The following ARHGAP36 variants were observed in gnomAD, a reference collection of about 807,000 sequenced individuals.
ARHGAP36 encodes the protein rho GTPase-activating protein 36.
Under a neutral mutation model 32.9 loss-of-function variants are expected in ARHGAP36, and 7 were observed. That is an observed-to-expected ratio of 0.21 (90% CI 0.12 to 0.40). The LOEUF (loss-of-function observed/expected upper bound fraction) is 0.40. ARHGAP36 is among the 10% of genes least tolerant of loss of function. The pLI, the probability that ARHGAP36 is intolerant of heterozygous loss-of-function variation, is 1.00. For synonymous variants in ARHGAP36, 165 were observed against 168.3 expected (o/e 0.98, Z 0.15); for missense variants, 383 against 442.2 (o/e 0.87, Z 1.20).
chrX:131,077,717 C>G (rs2079770227), intron 1 of ARHGAP36, among the ~76,000 whole-genome samples: 2 of 105,188 alleles, frequency 1.9e-5, no homozygotes, highest in Admixed American at 2.0e-4. Flanking sequence ...AATTCTCTCT[C>G]TTGATATCTG....
At chrX:131,081,249 A>G (rs768375489) in intron 1 of ARHGAP36, among the ~76,000 whole-genome samples, 1 of 109,272 alleles carries the variant, frequency 9.2e-6, no homozygotes, top group South Asian at 4.0e-4. Context: ...CCTAGATGAA[A>G]GTCCCCTTTT....
At chrX:131,065,914 T>C (rs984748823) in intron 1 of ARHGAP36, among the ~76,000 whole-genome samples, 2 of 112,007 alleles carry the variant, frequency 1.8e-5, no homozygotes, top group East Asian at 2.8e-4. Flanking sequence ...CACTGTTGAA[T>C]TGTCCCTCTC....
At chrX:131,087,452 T>C (rs2079841282) in intron 11 of ARHGAP36, among the ~76,000 whole-genome samples, 1 of 111,138 alleles carries the variant, frequency 9.0e-6, no homozygotes, top group Non-Finnish European at 1.9e-5. Flanking sequence ...GGACATGAAA[T>C]CCCAAATCAT....
At position 131,081,620 on chromosome X, in the gene ARHGAP36, C is replaced by T. The variant is rs1398981712; in HGVS notation, c.-46C>T. 5 of 1,163,808 alleles carry T rather than the reference C, an allele frequency of 4.3e-6. No individual in the cohort carries two copies. The Admixed American group carries it at 9.2e-5, about 21-fold the overall frequency. ...CCCCCATAGTTCTCTCCACCAGGTC[C>T]AGTGACAATTGGATGATGCAGCCTT... On this transcript the variant is annotated 5_prime_UTR_variant, in exon 2 of 12. Transcript: ENST00000276211.
At chrX:131,084,033 G>A (rs1008174277) in intron 4 of ARHGAP36, 64 bp downstream of exon 4, 18 of 1,124,817 alleles carry the variant, frequency 1.6e-5, no homozygotes, top group Middle Eastern at 3.3e-4. Context: ...ATGTGAGGCC[G>A]GAGGATCAAG....
At chrX:131,075,145 G>A (rs990767360) in intron 1 of ARHGAP36, among the ~76,000 whole-genome samples, 1 of 111,872 alleles carries the variant, frequency 8.9e-6, no homozygotes, top group African/African-American at 3.2e-5. Context: ...TATTTTGGAG[G>A]GCAATTCCTC....
At chrX:131,082,041 GTTC>G in intron 2 of ARHGAP36, 123 bp downstream of exon 2, 1 of 883,550 alleles carries the variant, frequency 1.1e-6, no homozygotes, top group Non-Finnish European at 1.6e-6. Flanking sequence ...GACTTGATCA[GTTC>G]TCCTGGCGTC....
intron 2 of ARHGAP36, 68 bp from the exon 3 acceptor site, chrX:131,083,097 T>C (rs963409171): frequency 1.9e-6 from 2 of 1,035,477 alleles, no homozygotes; most frequent in Non-Finnish European, 2.7e-6. Context: ...GATCAGGGCA[T>C]TGGGATGTTT....
chrX:131,082,450 C>A (rs187029824), intron 2 of ARHGAP36, among the ~76,000 whole-genome samples: 1 of 112,442 alleles, frequency 8.9e-6, no homozygotes, highest in South Asian at 3.7e-4. Flanking sequence ...AGCTGGCTGC[C>A]GGGGAGCGAG....
intron 1 of ARHGAP36, among the ~76,000 whole-genome samples, chrX:131,074,780 C>T (rs2148639219): frequency 9.0e-6 from 1 of 111,706 alleles, no homozygotes; most frequent in African/African-American, 3.3e-5. Flanking sequence ...CCAGGTAGCT[C>T]TCCCCTTCCC....
rs776164922 is a variant in ARHGAP36 at position 131,083,957 on chromosome X, C to A, written c.543C>A (p.Arg181=). The change falls in exon 4 of 12, where the codon CGC becomes CGA. Residue 181 remains arginine (R), a synonymous_variant. Transcript: ENST00000276211. ...NEPTLPREFT[R]RGRRGAVSVD... Reference sequence around the variant, plus strand: ...CCACCTTGCCCCGGGAGTTCACTCGCCGTGGGCGTCGAGTGAGTTAAACCC... The same window carrying A: ...CCACCTTGCCCCGGGAGTTCACTCGACGTGGGCGTCGAGTGAGTTAAACCC... 8.3e-7 allele frequency: 1 copy of A among 1,209,164 alleles called. No homozygotes were observed. Among genetic ancestry groups the A allele is most frequent in the African/African-American group, 1.7e-5 (1 of 57,213 alleles).
chrX:131,086,463 A>C, intron 10 of ARHGAP36, 37 bp downstream of exon 10: 1 of 1,200,477 alleles, frequency 8.3e-7, no homozygotes, highest in Non-Finnish European at 1.1e-6. Context: ...CTTAGCCTGA[A>C]GTACCTCCTC....
intron 2 of ARHGAP36, 52 bp from the exon 3 acceptor site, chrX:131,083,113 A>T: frequency 8.8e-7 from 1 of 1,135,905 alleles, no homozygotes; most frequent in African/African-American, 1.8e-5. Context: ...TGTTTTAGTC[A>T]CTTATTAAGT....
In ARHGAP36 at chrX:131,085,592, A is replaced by G. The variant is rs200086007; in HGVS notation, c.960A>G (p.Leu320=). 5.1e-5 allele frequency: 61 copies of G among 1,207,859 alleles called. No individual in the cohort carries two copies. Among genetic ancestry groups the G allele is most frequent in the Non-Finnish European group, 6.7e-5 (60 of 894,698 alleles). ...CCCCTGTTTTCCTTCTTCTAGCTTT[A>G]AAGCCCCAGGATCAGCTTTCTGCCC... The part of the protein sequence containing the change: ...LYMSFLLTAT[L]KPQDQLSALQ... Residue 320 remains leucine (L), a synonymous_variant, in exon 8 of 12, where the codon TTA becomes TTG. Coordinates refer to ENST00000276211, the MANE Select transcript of ARHGAP36 (RefSeq NM_144967.4).
At chrX:131,071,349 G>GATCCT (rs2079732609) in intron 1 of ARHGAP36, among the ~76,000 whole-genome samples, 1 of 110,740 alleles carries the variant, frequency 9.0e-6, no homozygotes, top group Non-Finnish European at 1.9e-5. Context: ...GAGAGGGAGA[G>GATCCT]GTCCTCTCCT....
At chrX:131,072,551 C>T (rs1159201192) in intron 1 of ARHGAP36, among the ~76,000 whole-genome samples, 1 of 112,154 alleles carries the variant, frequency 8.9e-6, no homozygotes, top group Non-Finnish European at 1.9e-5. Context: ...CATCTTGGCT[C>T]TGCCACTAAT....
chrX:131,083,619 G>A, intron 3 of ARHGAP36, 115 bp from the exon 4 acceptor site: 1 of 739,463 alleles, frequency 1.4e-6, no homozygotes, highest in African/African-American at 2.1e-5. Context: ...CGGTTCTGGA[G>A]AGGTGGGGTT....
chrX:131,064,521 T>G (rs973832254), intron 1 of ARHGAP36, among the ~76,000 whole-genome samples: 4 of 112,076 alleles, frequency 3.6e-5, no homozygotes, highest in Non-Finnish European at 7.5e-5. Flanking sequence ...TCTTAAACAT[T>G]TACTGTATCT....
intron 1 of ARHGAP36, 47 bp from the exon 2 acceptor site, chrX:131,081,477 T>A (rs1440856869): frequency 1.0e-6 from 1 of 963,266 alleles, no homozygotes; most frequent in Non-Finnish European, 1.3e-6. Context: ...CTGGACTATC[T>A]GTTAAGGGCT....
Sources: gnomAD v4.1 joint callset for allele counts (sites outside exome capture counted in the v4.1 genomes callset) on GRCh38, gnomAD v4.1.1 for gene constraint, MANE v1.5 for transcripts, NCBI Gene and HGNC (gene_info 2026-07-23, HGNC 2026-07-21) for gene names.